SULF1: variants seen among roughly 807,000 people sequenced by gnomAD.
The protein encoded by SULF1 is extracellular sulfatase Sulf-1.
Under a neutral mutation model 110.5 loss-of-function variants are expected in SULF1, and 46 were observed. The observed-to-expected ratio is 0.42, with a 90% CI of 0.33 to 0.53. The LOEUF (loss-of-function observed/expected upper bound fraction) is 0.53. Among genes scored for constraint, SULF1 ranks in the 20% least tolerant of loss-of-function variants. The pLI is 0.12. For missense variants in SULF1, 941 were observed against 1,094.2 expected (o/e 0.86, Z 1.98); for synonymous variants, 371 against 387.1 (o/e 0.96, Z 0.49).
At position 69,584,864 on chromosome 8, in the gene SULF1, C is replaced by G. The variant is rs1182483792; in HGVS notation, c.413-1493C>G. ...TCAAAGATAAAAGCAAGCTAAATACCTATCCCATAGAGACATCAAAATTAT... is the reference window on the plus strand; with the variant it reads ...TCAAAGATAAAAGCAAGCTAAATACGTATCCCATAGAGACATCAAAATTAT... On this transcript the variant is annotated intron_variant, in intron 6 of 22. Coordinates refer to ENST00000402687, the MANE Select transcript of SULF1 (RefSeq NM_001128205.2). Among the ~76,000 whole-genome samples the G allele has an allele frequency of 4.6e-5, 7 of 152,306 alleles. No homozygotes were observed. In the East Asian group the frequency reaches 1.3e-3, roughly 29 times the overall value.
chr8:69,601,974 C>T, intron 10 of SULF1, 145 bp downstream of exon 10: 1 of 764,044 alleles, frequency 1.3e-6, no homozygotes, highest in Non-Finnish European at 2.0e-6. Flanking sequence ...AGATGAAAAC[C>T]TTTTCCTCCC....
rs56867664 is a variant in SULF1, at chr8:69,493,448, TACACACACACACACAC to T, written c.-391+350_-391+365del. ...CACCACACACACACACACACAACAC[TACACACACACACACAC>T]ACACACACACACACACACACACACA... On this transcript the variant is annotated intron_variant, in intron 1 of 22. Transcript: ENST00000402687. 7.5e-3 allele frequency among the ~76,000 whole-genome samples: 1,083 copies of T among 144,360 alleles called. 18 individuals carry two copies. The highest frequency in any genetic ancestry group is 0.023 in the African/African-American group (882 of 39,010). The allele number at this position is 144,360 out of a possible 152,430, so 94.7% of individuals were successfully genotyped here. A position where few individuals can be genotyped will look rare whatever the true frequency, so the allele number is the denominator to read the frequency against.
At chr8:69,571,084 T>C (rs1474277960) in intron 5 of SULF1, among the ~76,000 whole-genome samples, 1 of 152,234 alleles carries the variant, frequency 6.6e-6, no homozygotes, top group African/African-American at 2.4e-5. Flanking sequence ...AAGGGAAGAA[T>C]TGATATTTGT....
intron 1 of SULF1, chr8:69,473,359 A>C (rs552514668): frequency 3.2e-4 from 48 of 152,318 alleles, no homozygotes; most frequent in Non-Finnish European, 8.8e-5. Context: ...TGCGGAATAA[A>C]TGAACAGACA....
chr8:69,608,253 G>A (rs1808380299), intron 13 of SULF1, among the ~76,000 whole-genome samples: 1 of 152,170 alleles, frequency 6.6e-6, no homozygotes, highest in Non-Finnish European at 1.5e-5. Flanking sequence ...ACCCTTGTGA[G>A]GATTAAGTGA....
At chr8:69,610,230 C>T (rs183563290) in intron 13 of SULF1, among the ~76,000 whole-genome samples, 20 of 152,264 alleles carry the variant, frequency 1.3e-4, no homozygotes, top group Admixed American at 9.1e-4. Flanking sequence ...GCTATTATAA[C>T]GGAAATAGAA....
chr8:69,636,502 A>G (rs1275299152), intron 19 of SULF1, among the ~76,000 whole-genome samples: 1 of 151,652 alleles, frequency 6.6e-6, no homozygotes, highest in Non-Finnish European at 1.5e-5. Context: ...GCTCCACTGC[A>G]CTCCAGCCTG....
At chr8:69,606,137 G>A (rs1022683331) in intron 13 of SULF1, among the ~76,000 whole-genome samples, 1 of 152,180 alleles carries the variant, frequency 6.6e-6, no homozygotes, top group Non-Finnish European at 1.5e-5. Context: ...TATCTAGCTT[G>A]TTGAATAGAC....
intron 3 of SULF1, among the ~76,000 whole-genome samples, chr8:69,514,106 A>G (rs1216782835): frequency 6.6e-6 from 1 of 152,170 alleles, no homozygotes; most frequent in Non-Finnish European, 1.5e-5. Flanking sequence ...CTGAACTCTA[A>G]GATTATGCTT....
chr8:69,654,188 A>G (rs1812550391), intron 22 of SULF1, among the ~76,000 whole-genome samples: 1 of 152,196 alleles, frequency 6.6e-6, no homozygotes, highest in African/African-American at 2.4e-5. Context: ...CTCATGACTC[A>G]TGACGTAACC....
intron 3 of SULF1, among the ~76,000 whole-genome samples, chr8:69,525,970 G>A (rs1229085536): frequency 1.3e-5 from 2 of 152,172 alleles, no homozygotes; most frequent in Non-Finnish European, 2.9e-5. Context: ...CTTTGGTGTA[G>A]TAACACCCTA....
chr8:69,550,110 C>T (rs76536757), intron 3 of SULF1, among the ~76,000 whole-genome samples: 2,022 of 151,112 alleles, frequency 0.013, 41 homozygotes, highest in African/African-American at 0.045. Flanking sequence ...GTTTGAAATT[C>T]TCTAGGCATA....
intron 8 of SULF1, among the ~76,000 whole-genome samples, chr8:69,592,000 G>T (rs1806943019): frequency 6.6e-6 from 1 of 152,184 alleles, no homozygotes; most frequent in South Asian, 2.1e-4. Flanking sequence ...ATCACCAATA[G>T]GGCCAGAAGT....
chr8:69,607,791 TA>T (rs1808340219), intron 13 of SULF1, among the ~76,000 whole-genome samples: 1 of 152,218 alleles, frequency 6.6e-6, no homozygotes, highest in African/African-American at 2.4e-5. Context: ...AAATTCAGAA[TA>T]ATGACACTGA....
At chr8:69,639,418 C>T (rs1182666056) in intron 21 of SULF1, among the ~76,000 whole-genome samples, 1 of 152,202 alleles carries the variant, frequency 6.6e-6, no homozygotes, top group East Asian at 1.9e-4. Flanking sequence ...TGAATGGAAT[C>T]AGCCAGATGT....
At chr8:69,610,274 A>G (rs1464203361) in intron 13 of SULF1, among the ~76,000 whole-genome samples, 1 of 152,254 alleles carries the variant, frequency 6.6e-6, no homozygotes, top group Non-Finnish European at 1.5e-5. Context: ...GTTTAGCTCC[A>G]GGATGGATCT....
chr8:69,567,206 A>G (rs886602853), intron 5 of SULF1, among the ~76,000 whole-genome samples: 3 of 152,178 alleles, frequency 2.0e-5, no homozygotes, highest in Non-Finnish European at 4.4e-5. Flanking sequence ...TTGGAGGTCC[A>G]GAAAAGACCT....
intron 6 of SULF1, among the ~76,000 whole-genome samples, chr8:69,580,616 A>C (rs1805998153): frequency 6.6e-6 from 1 of 152,214 alleles, no homozygotes; most frequent in South Asian, 2.1e-4. Context: ...TGGTAATTAT[A>C]ATATTGATTC....
At chr8:69,535,075 G>T in intron 3 of SULF1, among the ~76,000 whole-genome samples, 1 of 152,220 alleles carries the variant, frequency 6.6e-6, no homozygotes, top group Non-Finnish European at 1.5e-5. Flanking sequence ...GCTCACAAAT[G>T]ATAATTCCAG....
Sources: allele counts gnomAD v4.1 joint callset (sites outside exome capture counted in the v4.1 genomes callset), GRCh38; gene constraint gnomAD v4.1.1; transcripts MANE v1.5; gene names NCBI Gene and HGNC (gene_info 2026-07-23, HGNC 2026-07-21).